SLC44A5: variants seen among roughly 807,000 people sequenced by gnomAD.
SLC44A5 encodes the protein choline transporter-like protein 5.
SLC44A5 carries 57 observed loss-of-function variants against 101.8 expected under a neutral mutation model. The ratio of observed to expected loss-of-function variants is 0.56; its 90% confidence interval spans 0.45 to 0.70. SLC44A5 has a LOEUF of 0.70. SLC44A5 is among the 30% of genes least tolerant of loss of function. The pLI, the probability that SLC44A5 is intolerant of heterozygous loss-of-function variation, is 0.00. For synonymous variants in SLC44A5, 281 were observed against 290.9 expected (o/e 0.97, Z 0.35); for missense variants, 737 against 853.1 (o/e 0.86, Z 1.70).
chr1:75,481,701 T>C (rs367570390), intron 2 of SLC44A5, among the ~76,000 whole-genome samples: 3 of 152,148 alleles, frequency 2.0e-5, no homozygotes, highest in Admixed American at 2.0e-4. Flanking sequence ...AAAACCACAG[T>C]GAGATACCAT....
the SLC44A5 span, among the ~76,000 whole-genome samples, chr1:75,665,367 T>G: frequency 6.6e-6 from 1 of 152,000 alleles, no homozygotes; most frequent in Non-Finnish European, 1.5e-5. Context: ...AACTCTCTAT[T>G]CAATAAATGA....
At chr1:75,352,981 T>A (rs1658798536) in intron 3 of SLC44A5, among the ~76,000 whole-genome samples, 1 of 152,212 alleles carries the variant, frequency 6.6e-6, no homozygotes, top group African/African-American at 2.4e-5. Context: ...TTTCTTGTAG[T>A]TTACTATTTC....
intron 2 of SLC44A5, among the ~76,000 whole-genome samples, chr1:75,534,968 T>A (rs561040957): frequency 3.9e-5 from 6 of 152,236 alleles, no homozygotes; most frequent in African/African-American, 1.4e-4. Flanking sequence ...ATCACCTCTA[T>A]AATGCAGTTG....
At chr1:75,405,547 G>T (rs544109172) in intron 2 of SLC44A5, among the ~76,000 whole-genome samples, 2 of 152,266 alleles carry the variant, frequency 1.3e-5, no homozygotes, top group South Asian at 4.1e-4. Context: ...TCAGGATTAA[G>T]AAACTCACTC....
chr1:75,407,636 G>T (rs1398523933), intron 2 of SLC44A5, among the ~76,000 whole-genome samples: 3 of 152,138 alleles, frequency 2.0e-5, no homozygotes, highest in African/African-American at 7.2e-5. Flanking sequence ...AATAAATGAT[G>T]TTGAGAAAAC....
At chr1:75,572,753 T>C (rs1342901225) in intron 1 of SLC44A5, among the ~76,000 whole-genome samples, 1 of 152,062 alleles carries the variant, frequency 6.6e-6, no homozygotes, top group Admixed American at 6.6e-5. Context: ...AACAGACTAT[T>C]GATATGATCA....
intron 2 of SLC44A5, among the ~76,000 whole-genome samples, chr1:75,449,900 C>CTGAGGCAGGAGAATCTCT (rs1192951816): frequency 6.6e-6 from 1 of 152,026 alleles, no homozygotes; most frequent in Non-Finnish European, 1.5e-5. Flanking sequence ...ACTCAGGAGG[C>CTGAGGCAGGAGAATCTCT]TGAGGCAGGA....
chr1:75,269,897 C>T (rs994488999), intron 6 of SLC44A5, among the ~76,000 whole-genome samples: 4 of 152,098 alleles, frequency 2.6e-5, no homozygotes, highest in African/African-American at 4.8e-5. Flanking sequence ...GGAGGGAACC[C>T]GTGGGAGATA....
intron 13 of SLC44A5, among the ~76,000 whole-genome samples, chr1:75,223,262 G>A (rs887203621): frequency 3.3e-5 from 5 of 152,086 alleles, no homozygotes; most frequent in Admixed American, 6.6e-5. Flanking sequence ...TGAGTTTGAC[G>A]AGGCACTTCT....
intron 1 of SLC44A5, among the ~76,000 whole-genome samples, chr1:75,609,736 G>A (rs904188153): frequency 6.6e-6 from 1 of 152,052 alleles, no homozygotes; most frequent in African/African-American, 2.4e-5. Flanking sequence ...AGGAAAGAGG[G>A]CTAAGATTCA....
At chr1:75,344,962 A>G (rs1658139998) in intron 3 of SLC44A5, among the ~76,000 whole-genome samples, 1 of 151,388 alleles carries the variant, frequency 6.6e-6, no homozygotes, top group Non-Finnish European at 1.5e-5. Context: ...CCTGTTACCT[A>G]CATTAGTGCC....
At chr1:75,584,234 T>C (rs988032423) in intron 1 of SLC44A5, among the ~76,000 whole-genome samples, 3 of 152,144 alleles carry the variant, frequency 2.0e-5, no homozygotes, top group Admixed American at 6.5e-5. Context: ...GTGGAAATGG[T>C]GTAAGGCAAA....
chr1:75,531,045 T>C (rs979225794), intron 2 of SLC44A5, among the ~76,000 whole-genome samples: 19 of 152,190 alleles, frequency 1.2e-4, no homozygotes, highest in African/African-American at 4.6e-4. Context: ...AAATGGCCTA[T>C]TGCAGCTTTA....
rs140588576 is a variant in SLC44A5 at position 75,497,077 on chromosome 1, C to A, written c.13+44358G>T. Among the ~76,000 whole-genome samples the A allele has an allele frequency of 8.1e-3, 1,228 of 152,144 alleles. 16 individuals are homozygous for A. Among genetic ancestry groups the A allele is most frequent in the South Asian group, 0.039 (187 of 4,818 alleles). On this transcript the variant is annotated intron_variant, in intron 2 of 23. Coordinates refer to ENST00000370859, the MANE Select transcript of SLC44A5 (RefSeq NM_001130058.2). ...CATTATGGAAAACAGTATGGAAGCT[C>A]CTCAAAAAATTAAAGGAAGTACTGC...
intron 6 of SLC44A5, among the ~76,000 whole-genome samples, chr1:75,267,485 G>GA (rs2100717291): frequency 6.6e-6 from 1 of 152,116 alleles, no homozygotes; most frequent in Admixed American, 6.6e-5. Context: ...AAACATACAA[G>GA]AAAATAAAAA....
intron 5 of SLC44A5, among the ~76,000 whole-genome samples, chr1:75,279,995 T>C (rs749807850): frequency 1.2e-4 from 18 of 149,970 alleles, no homozygotes; most frequent in Non-Finnish European, 1.3e-4. Context: ...AGCGAGAATA[T>C]ACGATGTTTG....
At chr1:75,368,579 T>C (rs906989103) in intron 3 of SLC44A5, among the ~76,000 whole-genome samples, 6 of 152,188 alleles carry the variant, frequency 3.9e-5, no homozygotes, top group Non-Finnish European at 8.8e-5. Flanking sequence ...TCTACTTTAA[T>C]AGGTACCTTC....
intron 4 of SLC44A5, among the ~76,000 whole-genome samples, chr1:75,332,819 G>A (rs2101006496): frequency 6.6e-6 from 1 of 152,302 alleles, no homozygotes; most frequent in Non-Finnish European, 1.5e-5. Context: ...CTTAGTGATA[G>A]CATATAATGC....
chr1:75,334,306 T>C (rs1291506425), intron 4 of SLC44A5, among the ~76,000 whole-genome samples: 7 of 152,156 alleles, frequency 4.6e-5, no homozygotes, highest in African/African-American at 7.2e-5. Flanking sequence ...TAAACTATCA[T>C]CTTGGCCTCA....
Sources: allele counts gnomAD v4.1 joint callset (sites outside exome capture counted in the v4.1 genomes callset), GRCh38; gene constraint gnomAD v4.1.1; transcripts MANE v1.5; gene names NCBI Gene and HGNC (gene_info 2026-07-23, HGNC 2026-07-21).